ZFP64: variants seen among roughly 807,000 people sequenced by gnomAD.
The protein encoded by ZFP64 is zinc finger protein 64.
In ZFP64, 14 loss-of-function variants were observed where a neutral mutation model predicts 51.6. That is an observed-to-expected ratio of 0.27 (90% CI 0.18 to 0.42). The LOEUF (loss-of-function observed/expected upper bound fraction) is 0.42, where lower values mean the gene tolerates loss of function less well. Among genes scored for constraint, ZFP64 ranks in the 10% least tolerant of loss-of-function variants. The pLI is 1.00. For synonymous variants in ZFP64, 375 were observed against 361.4 expected, an observed-to-expected ratio of 1.04 and a Z score of -0.43; for missense variants, 754 against 906.8, an observed-to-expected ratio of 0.83 and a Z score of 2.16.
At chr20:52,189,764 G>A (rs1451861249) in intron 1 of ZFP64, among the ~76,000 whole-genome samples, 2 of 152,040 alleles carry the variant, frequency 1.3e-5, no homozygotes, top group Non-Finnish European at 2.9e-5. Context: ...GTGAGCCACC[G>A]TGCCTGGCCC....
At chr20:52,101,750 C>T (rs1478964902) in intron 5 of ZFP64, among the ~76,000 whole-genome samples, 2 of 151,744 alleles carry the variant, frequency 1.3e-5, no homozygotes, top group African/African-American at 4.8e-5. Context: ...GATGATTCTG[C>T]TGTATTACTT....
At chr20:52,169,078 C>A (rs1982504580) in intron 2 of ZFP64, among the ~76,000 whole-genome samples, 1 of 152,176 alleles carries the variant, frequency 6.6e-6, no homozygotes, top group South Asian at 2.1e-4. Context: ...GACCTCAGGC[C>A]AGTTATGTAA....
rs147358675 is a variant in ZFP64, at chr20:52,123,299, G to A, written c.764-24712C>T. On this transcript the variant is annotated intron_variant, in intron 5 of 8. Coordinates refer to the ZFP64 transcript ENST00000361387. ...CTGGATTACAGGCATGAGCTGCTGCGCCCAGCAGACTGACTCCAATTTTGA... is the reference window on the plus strand; with the variant it reads ...CTGGATTACAGGCATGAGCTGCTGCACCCAGCAGACTGACTCCAATTTTGA... Among the ~76,000 whole-genome samples the A allele has an allele frequency of 4.3e-3, 654 of 152,278 alleles. 7 individuals are homozygous for A. Among genetic ancestry groups the A allele is most frequent in the African/African-American group, 0.015 (609 of 41,550 alleles).
intron 2 of ZFP64, among the ~76,000 whole-genome samples, chr20:52,174,482 C>CAAA (rs386393988): frequency 0.013 from 710 of 55,408 alleles, 25 homozygotes; most frequent in South Asian, 0.035. Context: ...GGCTCCATCT[C>CAAA]AAAAAAAAAA....
intron 7 of ZFP64, chr20:52,088,946 C>T (rs778286022): frequency 3.5e-6 from 2 of 566,358 alleles, no homozygotes; most frequent in Non-Finnish European, 6.8e-6. Flanking sequence ...GAAGTGGCAG[C>T]TGTAGGGATC....
At chr20:52,142,388 A>ACACACGCGCGCG (rs776883572) in intron 5 of ZFP64, among the ~76,000 whole-genome samples, 1 of 148,550 alleles carries the variant, frequency 6.7e-6, no homozygotes, top group African/African-American at 2.5e-5. Context: ...ACACACACAC[A>ACACACGCGCGCG]CACACACACA....
chr20:52,166,938 A>C (rs986646092), intron 2 of ZFP64, among the ~76,000 whole-genome samples: 12 of 140,746 alleles, frequency 8.5e-5, no homozygotes, highest in African/African-American at 3.2e-4. Context: ...TTCTCAGCAT[A>C]AGTATTTCCC....
intron 5 of ZFP64, among the ~76,000 whole-genome samples, chr20:52,102,167 C>T (rs2079060021): frequency 6.7e-6 from 1 of 149,072 alleles, no homozygotes; most frequent in Non-Finnish European, 1.5e-5. Context: ...CAGAACCAAT[C>T]TGTACTTTAG....
At chr20:52,110,199 C>T (rs573528333) in intron 5 of ZFP64, 36 of 229,752 alleles carry the variant, frequency 1.6e-4, no homozygotes, top group African/African-American at 6.9e-4. Context: ...TCGGCATCAA[C>T]GTCCAGGCAT....
rs1407558777 is a variant in ZFP64 at position 52,151,627 on chromosome 20, C to T, written c.*519G>A. 1 of 987,714 alleles carries T rather than the reference C, an allele frequency of 1.0e-6. No individual in the cohort carries two copies. The highest frequency in any genetic ancestry group is 1.7e-5 in the African/African-American group (1 of 57,200). 61.2% of individuals were successfully genotyped at this position (987,714 alleles called of 1,614,324 possible). On this transcript the variant is annotated 3_prime_UTR_variant, in exon 6 of 6. Transcript: ENST00000216923. ...CATCTTGGTAACATTTAAGATTCTA[C>T]AACAGTTATAATGCGACGATTCAGA...
chr20:52,164,361 A>G (rs1982069740), intron 4 of ZFP64, among the ~76,000 whole-genome samples: 1 of 152,182 alleles, frequency 6.6e-6, no homozygotes, highest in South Asian at 2.1e-4. Flanking sequence ...ACACACACAT[A>G]TGAACTCGTA....
intron 7 of ZFP64, among the ~76,000 whole-genome samples, chr20:52,095,738 C>G (rs1370794167): frequency 1.3e-5 from 2 of 152,188 alleles, no homozygotes; most frequent in Non-Finnish European, 2.9e-5. Flanking sequence ...AGTAATCCAG[C>G]CCCTGTACAT....
intron 7 of ZFP64, among the ~76,000 whole-genome samples, chr20:52,093,796 G>C (rs77785918): frequency 0.017 from 2,577 of 152,276 alleles, 91 homozygotes; most frequent in African/African-American, 0.06. Flanking sequence ...TTAAGATGCA[G>C]ATTCTGATTC....
chr20:52,124,951 G>T (rs1199510533), intron 5 of ZFP64, among the ~76,000 whole-genome samples: 1 of 152,100 alleles, frequency 6.6e-6, no homozygotes, highest in Non-Finnish European at 1.5e-5. Context: ...GAAATCAAAG[G>T]CCAGTCCTGA....
intron 2 of ZFP64, among the ~76,000 whole-genome samples, chr20:52,173,324 TGCCTGTAATCCCAGCA>T (rs1341518014): frequency 1.3e-5 from 2 of 152,222 alleles, no homozygotes; most frequent in Non-Finnish European, 2.9e-5. Context: ...TAGTGGCTCA[TGCCTGTAATCCCAGCA>T]ATTTGGGAGG....
chr20:52,149,124 T>C (rs1042511970), downstream of ZFP64, among the ~76,000 whole-genome samples: 1 of 152,062 alleles, frequency 6.6e-6, no homozygotes, highest in Non-Finnish European at 1.5e-5. Flanking sequence ...AAAGGCCAGA[T>C]AACCATTTTC....
intron 4 of ZFP64, among the ~76,000 whole-genome samples, chr20:52,163,980 C>T (rs535994266): frequency 7.7e-4 from 118 of 152,292 alleles, no homozygotes; most frequent in Non-Finnish European, 1.5e-3. Context: ...ATAACACACA[C>T]TCACTGTATT....
chr20:52,124,333 A>C (rs866436539), intron 5 of ZFP64, among the ~76,000 whole-genome samples: 1 of 152,304 alleles, frequency 6.6e-6, no homozygotes, highest in East Asian at 1.9e-4. Context: ...AACCACTACA[A>C]GTGATTGCTT....
intron 5 of ZFP64, chr20:52,117,575 C>T (rs148552378): frequency 0.061 from 27,364 of 445,636 alleles, 1,038 homozygotes; most frequent in Admixed American, 0.13. Flanking sequence ...GCTGAGATCG[C>T]GCCATTGCAC....
Sources: gnomAD v4.1 joint callset for allele counts (sites outside exome capture counted in the v4.1 genomes callset) on GRCh38, gnomAD v4.1.1 for gene constraint, MANE v1.5 for transcripts, NCBI Gene and HGNC (gene_info 2026-07-23, HGNC 2026-07-21) for gene names.